Variants in ADGRB3 observed in about 807,000 individuals in gnomAD.
ADGRB3 encodes the protein brain-specific angiogenesis inhibitor 3.
ADGRB3 carries 37 observed loss-of-function variants against 193.4 expected under a neutral mutation model. That is an observed-to-expected ratio of 0.19 (90% CI 0.15 to 0.25). The LOEUF is 0.25. Among genes scored for constraint, ADGRB3 ranks in the 10% least tolerant of loss-of-function variants. The pLI, the probability that ADGRB3 is intolerant of heterozygous loss-of-function variation, is 1.00. For synonymous variants in ADGRB3, 690 were observed against 644.2 expected (o/e 1.07, Z -1.08); for missense variants, 1,637 against 1,852.9 (o/e 0.88, Z 2.14).
intron 5 of ADGRB3, 90 bp downstream of exon 5, chr6:68,936,770 G>T: frequency 1.5e-6 from 2 of 1,366,020 alleles, no homozygotes; most frequent in African/African-American, 1.4e-5. Context: ...TATGAAACGG[G>T]TATAGGCATT....
intron 3 of ADGRB3, among the ~76,000 whole-genome samples, chr6:68,791,028 G>T (rs1053751229): frequency 6.9e-5 from 10 of 145,050 alleles, no homozygotes; most frequent in African/African-American, 2.6e-4. Flanking sequence ...ATCCTGGGCA[G>T]CACAGTGAGA....
intron 20 of ADGRB3, among the ~76,000 whole-genome samples, chr6:69,252,904 T>C (rs1273304744): frequency 6.6e-6 from 1 of 152,118 alleles, no homozygotes; most frequent in Non-Finnish European, 1.5e-5. Context: ...ATCTATATTC[T>C]AAGTTTTCCC....
intron 8 of ADGRB3, among the ~76,000 whole-genome samples, chr6:68,962,918 C>G (rs550442677): frequency 7.2e-5 from 11 of 152,126 alleles, no homozygotes; most frequent in Non-Finnish European, 1.5e-4. Context: ...GTGAGCAACA[C>G]CCATGAATGT....
chr6:69,356,797 G>T (rs1415916272), intron 28 of ADGRB3, among the ~76,000 whole-genome samples: 4 of 152,058 alleles, frequency 2.6e-5, no homozygotes, highest in African/African-American at 9.7e-5. Flanking sequence ...CTGTTTAGAG[G>T]GTTGTATGCC....
At chr6:68,821,016 C>A (rs554873405) in intron 3 of ADGRB3, among the ~76,000 whole-genome samples, 1 of 152,136 alleles carries the variant, frequency 6.6e-6, no homozygotes, top group Admixed American at 6.6e-5. Flanking sequence ...CAAATGTCAC[C>A]TTCCTTAGGA....
chr6:69,311,092 C>T (rs1040700676), intron 20 of ADGRB3, among the ~76,000 whole-genome samples: 1 of 151,646 alleles, frequency 6.6e-6, no homozygotes, highest in Non-Finnish European at 1.5e-5. Flanking sequence ...TTCAATCTTG[C>T]TTCAGAATAA....
At chr6:69,165,428 C>T (rs752597372) in intron 17 of ADGRB3, among the ~76,000 whole-genome samples, 1 of 151,720 alleles carries the variant, frequency 6.6e-6, no homozygotes, top group African/African-American at 2.4e-5. Flanking sequence ...CTTTACACCC[C>T]GGCAAAACAA....
intron 3 of ADGRB3, among the ~76,000 whole-genome samples, chr6:68,826,810 TAGA>T (rs1767852489): frequency 6.6e-6 from 1 of 152,046 alleles, no homozygotes; most frequent in Non-Finnish European, 1.5e-5. Flanking sequence ...GGGTGTGAAA[TAGA>T]AGAGTCAAGA....
At chr6:68,676,044 A>G (rs541899736) in intron 3 of ADGRB3, among the ~76,000 whole-genome samples, 72 of 152,316 alleles carry the variant, frequency 4.7e-4, no homozygotes, top group South Asian at 1.4e-3. Context: ...TGGATAAAAA[A>G]TTATTTGTAT....
rs368450562 is a variant in ADGRB3, at chr6:68,726,040, C to T, written c.757+86608C>T. 4.7e-4 allele frequency among the ~76,000 whole-genome samples: 72 copies of T among 151,584 alleles called. No homozygotes were observed. In the East Asian group the frequency reaches 1.0e-2, roughly 21 times the overall value. On this transcript the variant is annotated intron_variant, in intron 3 of 31. Transcript: ENST00000370598. ...ATGAGGAAGCTAATAATATTATTGG[C>T]TATAAAATTCCCCATATAATTTCTA... is the stretch of plus-strand genomic sequence containing the variant.
In ADGRB3 at chr6:69,111,357, T is replaced by C. The variant is rs140056721; in HGVS notation, c.2480+35319T>C. 5.0e-3 allele frequency among the ~76,000 whole-genome samples: 769 copies of C among 152,304 alleles called. 3 individuals carry two copies. Among genetic ancestry groups the C allele is most frequent in the Non-Finnish European group, 8.1e-3 (554 of 68,018 alleles). Reference sequence around the variant, plus strand: ...AAATGGTTTGCAGTAGGTACATGTCTTTAGTCTGTCTGATCTATCCACACT... The same window carrying C: ...AAATGGTTTGCAGTAGGTACATGTCCTTAGTCTGTCTGATCTATCCACACT... On this transcript the variant is annotated intron_variant, in intron 17 of 31. Transcript: ENST00000370598.
At chr6:68,677,951 A>T (rs749004096) in intron 3 of ADGRB3, among the ~76,000 whole-genome samples, 13 of 151,802 alleles carry the variant, frequency 8.6e-5, no homozygotes, top group Middle Eastern at 3.4e-3. Context: ...TTATTCATGA[A>T]TTTTTTTTTA....
At chr6:69,182,001 C>A (rs761234580) in intron 17 of ADGRB3, among the ~76,000 whole-genome samples, 1 of 152,058 alleles carries the variant, frequency 6.6e-6, no homozygotes, top group Non-Finnish European at 1.5e-5. Flanking sequence ...ACCTTTATGA[C>A]AGTTGTTCAT....
chr6:69,015,024 A>G (rs1387607294), intron 12 of ADGRB3, among the ~76,000 whole-genome samples: 1 of 151,866 alleles, frequency 6.6e-6, no homozygotes. Flanking sequence ...CCAGAAAAAA[A>G]AACCCTTATT....
chr6:69,051,817 A>C (rs1257220768), intron 15 of ADGRB3, among the ~76,000 whole-genome samples: 2 of 152,228 alleles, frequency 1.3e-5, no homozygotes, highest in African/African-American at 4.8e-5. Context: ...TACTGTATTA[A>C]TTCTTTTAAA....
chr6:69,224,906 G>T (rs1252012505), intron 17 of ADGRB3, among the ~76,000 whole-genome samples: 1 of 151,958 alleles, frequency 6.6e-6, no homozygotes, highest in Non-Finnish European at 1.5e-5. Context: ...TTTTCCCCTT[G>T]CAATTTCAAT....
intron 20 of ADGRB3, among the ~76,000 whole-genome samples, chr6:69,275,466 G>A (rs910799702): frequency 1.3e-5 from 2 of 151,996 alleles, no homozygotes; most frequent in Non-Finnish European, 2.9e-5. Context: ...TTTATGCAAG[G>A]CGTTTTTTAA....
At chr6:69,094,778 A>AT (rs1772822794) in intron 17 of ADGRB3, among the ~76,000 whole-genome samples, 1 of 152,168 alleles carries the variant, frequency 6.6e-6, no homozygotes. Context: ...TTTAAGGGCC[A>AT]TTTTTGGATG....
At position 68,755,968 on chromosome 6, in the gene ADGRB3, G is replaced by A. The variant is rs547031138; in HGVS notation, c.757+116536G>A. On this transcript the variant is annotated intron_variant, in intron 3 of 31. Coordinates refer to ENST00000370598, the MANE Select transcript of ADGRB3 (RefSeq NM_001704.3). ...TTCCAAAATAAGCATATTTAAGGAA[G>A]ATAATTCTTAGGTAGAGGAAAAAAT... 2.6e-5 allele frequency among the ~76,000 whole-genome samples: 4 copies of A among 152,222 alleles called. No homozygotes were observed. In the South Asian group the frequency reaches 8.3e-4, roughly 32 times the overall value.
Sources: gnomAD v4.1 joint callset for allele counts (sites outside exome capture counted in the v4.1 genomes callset) on GRCh38, gnomAD v4.1.1 for gene constraint, MANE v1.5 for transcripts, NCBI Gene and HGNC (gene_info 2026-07-23, HGNC 2026-07-21) for gene names.